PRKAR1B: variants seen among roughly 807,000 people sequenced by gnomAD.
PRKAR1B encodes cAMP-dependent protein kinase type I-beta regulatory subunit.
PRKAR1B carries 22 observed loss-of-function variants against 46.5 expected under a neutral mutation model. The ratio of observed to expected loss-of-function variants is 0.47; its 90% CI spans 0.34 to 0.68. The LOEUF is 0.68. PRKAR1B is among the 30% of genes least tolerant of loss of function. PRKAR1B has a pLI of 0.01. For missense variants in PRKAR1B, 445 were observed against 535.6 expected, an observed-to-expected ratio of 0.83 and a Z score of 1.67; for synonymous variants, 259 against 217.7, an observed-to-expected ratio of 1.19 and a Z score of -1.67.
chr7:589,792 G>A (rs1039941098), intron 7 of PRKAR1B, among the ~76,000 whole-genome samples: 7 of 152,228 alleles, frequency 4.6e-5, no homozygotes, highest in African/African-American at 1.2e-4. Context: ...CCGTGTGCAC[G>A]GCACCACGTC....
intron 4 of PRKAR1B, among the ~76,000 whole-genome samples, chr7:654,180 C>T (rs545021993): frequency 6.7e-6 from 1 of 149,904 alleles, no homozygotes; most frequent in African/African-American, 2.5e-5. Context: ...ATCTTCATCA[C>T]CATCACCATC....
In PRKAR1B at chr7:727,157, T is replaced by C. The variant is rs1781349143; in HGVS notation, c.-23+53A>G. The C allele has an allele frequency of 1.6e-6, 2 of 1,285,222 alleles. No individual in the cohort carries two copies. The highest frequency in any genetic ancestry group is 2.0e-5 in the South Asian group (1 of 49,324). 79.6% of individuals were successfully genotyped at this position (1,285,222 alleles called of 1,614,324 possible). On this transcript the variant is annotated intron_variant, in intron 1 of 10. Coordinates refer to ENST00000537384, the MANE Select transcript of PRKAR1B (RefSeq NM_001164760.2). ...TGTGAGGAGCTGCGCCTGGCGCTTG[T>C]GCAGCTGCTGGGCCTGGCCGTGGAC...
intron 6 of PRKAR1B, among the ~76,000 whole-genome samples, chr7:598,375 C>T (rs1453934250): frequency 6.8e-6 from 1 of 146,288 alleles, no homozygotes; most frequent in East Asian, 2.1e-4. Flanking sequence ...CTCCAGCACC[C>T]TCCACACTAA....
chr7:641,039 G>A (rs1178155342), intron 4 of PRKAR1B, among the ~76,000 whole-genome samples: 4 of 151,802 alleles, frequency 2.6e-5, no homozygotes, highest in African/African-American at 9.7e-5. Context: ...TGCAAGCTCC[G>A]CCTCCCGGGT....
chr7:643,388 G>A (rs576922745), intron 4 of PRKAR1B, among the ~76,000 whole-genome samples: 2 of 151,576 alleles, frequency 1.3e-5, no homozygotes, highest in Non-Finnish European at 2.9e-5. Flanking sequence ...GGAGGAAAGC[G>A]TGAGAACAAC....
At chr7:605,586 G>A (rs1003302115) in intron 6 of PRKAR1B, among the ~76,000 whole-genome samples, 3 of 152,200 alleles carry the variant, frequency 2.0e-5, no homozygotes, top group African/African-American at 4.8e-5. Context: ...CCTGGCCATC[G>A]GGCACGAGAC....
At chr7:693,295 C>G (rs1016357077) in intron 2 of PRKAR1B, among the ~76,000 whole-genome samples, 1 of 149,850 alleles carries the variant, frequency 6.7e-6, no homozygotes, top group African/African-American at 2.5e-5. Flanking sequence ...TAACAATCAA[C>G]TGTATTAAAG....
At chr7:665,034 C>G (rs936405341) in intron 4 of PRKAR1B, among the ~76,000 whole-genome samples, 2 of 152,200 alleles carry the variant, frequency 1.3e-5, no homozygotes, top group Non-Finnish European at 2.9e-5. Flanking sequence ...TCTCCACTCA[C>G]AAATCAGACA....
upstream of PRKAR1B, among the ~76,000 whole-genome samples, chr7:728,708 T>C (rs1187836461): frequency 6.6e-6 from 1 of 152,184 alleles, no homozygotes; most frequent in Admixed American, 6.5e-5. Flanking sequence ...ACTGTGCCCA[T>C]CTGTGCCCCA....
chr7:682,900 C>A (rs953618353), intron 2 of PRKAR1B, among the ~76,000 whole-genome samples: 3 of 152,210 alleles, frequency 2.0e-5, no homozygotes, highest in Non-Finnish European at 4.4e-5. Context: ...CGGCCCCCAA[C>A]CCCTCACACA....
At chr7:610,107 C>T (rs1782390537) in intron 4 of PRKAR1B, among the ~76,000 whole-genome samples, 1 of 152,184 alleles carries the variant, frequency 6.6e-6, no homozygotes, top group African/African-American at 2.4e-5. Context: ...TGGACGTTTC[C>T]AGTGCTTCTG....
At chr7:715,881 A>AC (rs1780857939) in intron 1 of PRKAR1B, among the ~76,000 whole-genome samples, 1 of 151,290 alleles carries the variant, frequency 6.6e-6, no homozygotes. Flanking sequence ...GCGCCCGGCT[A>AC]ATTTTTTGTA....
At position 680,543 on chromosome 7, in the gene PRKAR1B, C is replaced by T. The variant is rs1778612694; in HGVS notation, c.348+13G>A. On this transcript the variant is annotated intron_variant, in intron 3 of 10. Transcript: ENST00000537384. ...GGCCTGGGGACAGGAACCCCGTGAC[C>T]CGTGAGCCTCACCTTCCTGACGTAG... 5.0e-6 allele frequency: 8 copies of T among 1,603,532 alleles called. No individual in the cohort carries two copies. Among genetic ancestry groups the T allele is most frequent in the Non-Finnish European group, 6.8e-6 (8 of 1,177,696 alleles).
chr7:583,079 G>C (rs1427882093), intron 8 of PRKAR1B, among the ~76,000 whole-genome samples: 1 of 152,012 alleles, frequency 6.6e-6, no homozygotes, highest in Non-Finnish European at 1.5e-5. Context: ...GGGGGGTGAC[G>C]GCTCACAGGG....
At chr7:613,877 G>C (rs577411390) in intron 4 of PRKAR1B, among the ~76,000 whole-genome samples, 100 of 152,354 alleles carry the variant, frequency 6.6e-4, no homozygotes, top group African/African-American at 2.3e-3. Flanking sequence ...AGCCTGCAGA[G>C]ACCTCTCCCG....
intron 6 of PRKAR1B, among the ~76,000 whole-genome samples, chr7:601,677 A>G (rs1781605373): frequency 1.3e-5 from 2 of 152,104 alleles, no homozygotes; most frequent in Admixed American, 1.3e-4. Context: ...GAAAATCTGA[A>G]GTTGATGGAG....
At chr7:591,278 G>A (rs889538939) in intron 7 of PRKAR1B, among the ~76,000 whole-genome samples, 9 of 152,268 alleles carry the variant, frequency 5.9e-5, no homozygotes, top group African/African-American at 1.2e-4. Flanking sequence ...CGAGCTGGCC[G>A]GTGGGCACTG....
rs1409807831 is a variant in PRKAR1B at position 606,220 on chromosome 7, G to C, written c.522C>G (p.Phe174Leu). The change falls in exon 6 of 11, where the codon TTC (phenylalanine) becomes TTG (leucine). Residue 174 changes from phenylalanine (F) to leucine (L), a missense_variant. This residue lies in a region of PRKAR1B where 94 missense variants were observed against 126.9 expected (regional missense o/e 0.74). Transcript: ENST00000537384. ...VIQQGNEGDN[F>L]YVVDQGEVDV... ...CCACTTCCCCTTGATCAACGACATA[G>C]AAGTTGTCTCCTTCATTCCCTGTAA... 2.5e-6 allele frequency: 4 copies of C among 1,613,956 alleles called. No individual in the cohort carries two copies. The highest frequency in any genetic ancestry group is 3.4e-6 in the Non-Finnish European group (4 of 1,179,886).
chr7:668,433 C>T (rs1047628682), intron 4 of PRKAR1B, among the ~76,000 whole-genome samples: 6 of 152,206 alleles, frequency 3.9e-5, no homozygotes, highest in African/African-American at 1.2e-4. Context: ...CAGCCTGTTT[C>T]TTTAGAGACC....
Sources: allele counts gnomAD v4.1 joint callset (sites outside exome capture counted in the v4.1 genomes callset), GRCh38; gene constraint gnomAD v4.1.1; regional missense constraint gnomAD v4.1.1; transcripts MANE v1.5; gene names NCBI Gene and HGNC (gene_info 2026-07-23, HGNC 2026-07-21).